ADAMTS2: variants seen among roughly 807,000 people sequenced by gnomAD.
The protein encoded by ADAMTS2 is ADAM metallopeptidase with thrombospondin type 1 motif 2, also known as A disintegrin and metalloproteinase with thrombospondin motifs 2.
Under a neutral mutation model 123.0 loss-of-function variants are expected in ADAMTS2, and 50 were observed. The ratio of observed to expected loss-of-function variants is 0.41; its 90% CI spans 0.32 to 0.51. The LOEUF is 0.51. Among genes scored for constraint, ADAMTS2 ranks in the 20% least tolerant of loss-of-function variants. ADAMTS2 has a pLI of 0.35. For synonymous variants in ADAMTS2, 678 were observed against 695.4 expected (o/e 0.98, Z 0.39); for missense variants, 1,494 against 1,705.2 (o/e 0.88, Z 2.18).
At chr5:179,331,747 C>A (rs1385022812) in intron 2 of ADAMTS2, among the ~76,000 whole-genome samples, 1 of 152,132 alleles carries the variant, frequency 6.6e-6, no homozygotes, top group Non-Finnish European at 1.5e-5. Flanking sequence ...TGGTCTGGGA[C>A]CTCCCCTTGT....
chr5:179,139,887 C>T lies in ADAMTS2; in HGVS notation c.1775+3G>A, dbSNP rs1763131516. On this transcript the variant is annotated splice_donor_region_variant and intron_variant, in intron 11 of 21. Transcript: ENST00000251582. ...AGGCCAGGGGGACATGGGGCCAACT[C>T]ACTGTGGGTTGTCACACTGGCGGGT... is the stretch of plus-strand genomic sequence containing the variant. 1 of 1,612,106 alleles carries T rather than the reference C, an allele frequency of 6.2e-7. No homozygotes were observed. Among genetic ancestry groups the T allele is most frequent in the African/African-American group, 1.3e-5 (1 of 74,876 alleles).
rs961849360 is a variant in ADAMTS2 at position 179,343,666 on chromosome 5, T to C, written c.534+101A>G. 6.7e-6 allele frequency: 10 copies of C among 1,482,480 alleles called. No homozygotes were observed. The Middle Eastern group carries it at 6.1e-4, about 91-fold the overall frequency. The allele number at this position is 1,482,480 out of a possible 1,614,324, so 91.8% of individuals were successfully genotyped here. A position where few individuals can be genotyped will look rare whatever the true frequency, so the allele number is the denominator to read the frequency against. On this transcript the variant is annotated intron_variant, in intron 2 of 21. Coordinates refer to ENST00000251582, the MANE Select transcript of ADAMTS2 (RefSeq NM_014244.5). ...AGCACGGGAAGGGCGCGGAAAGTCC[T>C]CAGCGCAGGCCTTGCCCTCCCAAGG... is the stretch of plus-strand genomic sequence containing the variant.
intron 3 of ADAMTS2, among the ~76,000 whole-genome samples, chr5:179,231,177 A>G (rs1475070893): frequency 6.6e-6 from 1 of 152,202 alleles, no homozygotes; most frequent in African/African-American, 2.4e-5. Context: ...GTCCACTCAC[A>G]TGAGGATCTG....
rs888177186 is a variant in ADAMTS2, at chr5:179,128,892, A to T, written c.2458-774T>A. ...CAACAGGCTCAGGGTGATTTTCAAC[A>T]GCGAAATCGCCCCCAAAATAGCACA... is the stretch of plus-strand genomic sequence containing the variant. On this transcript the variant is annotated intron_variant, in intron 16 of 21. Coordinates refer to ENST00000251582, the MANE Select transcript of ADAMTS2 (RefSeq NM_014244.5). The surrounding 1 kb of genome is among the most constrained non-coding windows in gnomAD (Gnocchi z 4.9). 1.3e-5 allele frequency among the ~76,000 whole-genome samples: 2 copies of T among 152,120 alleles called. No individual in the cohort carries two copies. The highest frequency in any genetic ancestry group is 4.8e-5 in the African/African-American group (2 of 41,424).
At chr5:179,291,632 T>C (rs898340160) in intron 2 of ADAMTS2, among the ~76,000 whole-genome samples, 1 of 152,120 alleles carries the variant, frequency 6.6e-6, no homozygotes, top group Admixed American at 6.5e-5. Flanking sequence ...TTAAACGAGG[T>C]TGAATTCTGG....
At position 179,132,992 on chromosome 5, in the gene ADAMTS2, C is replaced by T; in HGVS notation, c.2086-92G>A. The T allele has an allele frequency of 6.6e-7, 1 of 1,520,854 alleles. No homozygotes were observed. Among genetic ancestry groups the T allele is most frequent in the Non-Finnish European group, 8.9e-7 (1 of 1,124,364 alleles). The allele number at this position is 1,520,854 out of a possible 1,614,324, so 94.2% of individuals were successfully genotyped here. A position where few individuals can be genotyped will look rare whatever the true frequency, so the allele number is the denominator to read the frequency against. On this transcript the variant is annotated intron_variant, in intron 13 of 21. Transcript: ENST00000251582. This position sits in a 1 kb window ranked among gnomAD's most constrained non-coding sequence, Gnocchi z 6.1. ...GCCCCCAGTCTCGAACACCTGGCCT[C>T]AAGCGATCCTCCTGCCTTGGCCTCC...
At chr5:179,292,554 T>G (rs538782844) in intron 2 of ADAMTS2, among the ~76,000 whole-genome samples, 1 of 152,192 alleles carries the variant, frequency 6.6e-6, no homozygotes, top group East Asian at 1.9e-4. Flanking sequence ...AATCTTGTTA[T>G]AAATTTTTTA....
In ADAMTS2 at chr5:179,332,589, C is replaced by T. The variant is rs1351005431; in HGVS notation, c.534+11178G>A. Among the ~76,000 whole-genome samples the T allele has an allele frequency of 6.6e-6, 1 of 152,152 alleles. No homozygotes were observed. Among genetic ancestry groups the T allele is most frequent in the Non-Finnish European group, 1.5e-5 (1 of 68,030 alleles). ...CACTATCACAGGGTCTCAGACAGTACCTCAGTCTGTGACCCAACCTGCATT... is the reference window on the plus strand; with the variant it reads ...CACTATCACAGGGTCTCAGACAGTATCTCAGTCTGTGACCCAACCTGCATT... On this transcript the variant is annotated intron_variant, in intron 2 of 21. Transcript: ENST00000251582. The surrounding 1 kb of genome is among the most constrained non-coding windows in gnomAD (Gnocchi z 4.2).
intron 3 of ADAMTS2, among the ~76,000 whole-genome samples, chr5:179,253,238 C>T (rs1196531595): frequency 1.3e-5 from 2 of 152,188 alleles, no homozygotes; most frequent in Non-Finnish European, 2.9e-5. Flanking sequence ...AATCCATTTA[C>T]ATTTACCTGG....
chr5:179,263,701 C>T (rs1213357921), intron 3 of ADAMTS2, among the ~76,000 whole-genome samples: 1 of 152,252 alleles, frequency 6.6e-6, no homozygotes, highest in African/African-American at 2.4e-5. Context: ...CCGAAGAATC[C>T]AGCCCTTGTC....
Position 179,269,115 on chromosome 5 carries a change from C to T in ADAMTS2, c.688+3796G>A, listed in dbSNP as rs139625416. ...CAGAAGAGGAGGGGGCGACATGACCCGGGGGCAGAGATTGGCATGATGCAG... is the reference window on the plus strand; with the variant it reads ...CAGAAGAGGAGGGGGCGACATGACCTGGGGGCAGAGATTGGCATGATGCAG... On this transcript the variant is annotated intron_variant, in intron 3 of 21. Coordinates refer to ENST00000251582, the MANE Select transcript of ADAMTS2 (RefSeq NM_014244.5). Among the ~76,000 whole-genome samples the T allele has an allele frequency of 9.3e-4, 142 of 152,222 alleles. 1 individual carries two copies. Among genetic ancestry groups the T allele is most frequent in the Admixed American group, 2.4e-3 (36 of 15,294 alleles).
chr5:179,245,996 A>C (rs1765795461), intron 3 of ADAMTS2, among the ~76,000 whole-genome samples: 1 of 152,316 alleles, frequency 6.6e-6, no homozygotes, highest in African/African-American at 2.4e-5. Context: ...AGTAAATCTC[A>C]GAATCGACTT....
intron 3 of ADAMTS2, among the ~76,000 whole-genome samples, chr5:179,269,283 G>T (rs550184262): frequency 1.3e-5 from 2 of 152,200 alleles, no homozygotes; most frequent in African/African-American, 4.8e-5. Context: ...CTGGCCCACA[G>T]AGCTGTGAGA....
In ADAMTS2 at chr5:179,153,705, G is replaced by A. The variant is rs1487136159; in HGVS notation, c.1383-82C>T. The A allele has an allele frequency of 2.6e-6, 4 of 1,517,632 alleles. No homozygotes were observed. The South Asian group carries it at 4.9e-5, about 18-fold the overall frequency. The allele number at this position is 1,517,632 out of a possible 1,614,324, so 94.0% of individuals were successfully genotyped here. ...CCTGGAGGCAGCTGAGGCCCCTGCT[G>A]GAGCTGCCATGGCAGCCCTACCTGC... On this transcript the variant is annotated intron_variant, in intron 8 of 21. Coordinates refer to ENST00000251582, the MANE Select transcript of ADAMTS2 (RefSeq NM_014244.5).
At chr5:179,238,043 C>A (rs899656378) in intron 3 of ADAMTS2, among the ~76,000 whole-genome samples, 7 of 152,196 alleles carry the variant, frequency 4.6e-5, no homozygotes, top group Non-Finnish European at 2.9e-5. Flanking sequence ...TAAACACACA[C>A]CGAAGCCATG....
chr5:179,301,318 C>T (rs1218038880), intron 2 of ADAMTS2, among the ~76,000 whole-genome samples: 1 of 152,206 alleles, frequency 6.6e-6, no homozygotes, highest in Admixed American at 6.5e-5. Context: ...CCTCTTTCGA[C>T]CTCTGCTTTT....
At chr5:179,235,403 C>T (rs754872628) in intron 3 of ADAMTS2, among the ~76,000 whole-genome samples, 8 of 152,218 alleles carry the variant, frequency 5.3e-5, no homozygotes, top group South Asian at 2.1e-4. Flanking sequence ...ACAGAACTGA[C>T]GCCTTCACAC....
intron 2 of ADAMTS2, among the ~76,000 whole-genome samples, chr5:179,299,924 C>A (rs547509514): frequency 6.6e-6 from 1 of 151,976 alleles, no homozygotes; most frequent in East Asian, 1.9e-4. Flanking sequence ...GAAACCCCGT[C>A]TCTACTAAAA....
intron 2 of ADAMTS2, among the ~76,000 whole-genome samples, chr5:179,302,970 G>A (rs1192413758): frequency 1.4e-5 from 2 of 142,032 alleles, no homozygotes; most frequent in Admixed American, 6.9e-5. Context: ...GGGCCTGGGT[G>A]GGGTACAGGA....
Sources: gnomAD v4.1 joint callset for allele counts (sites outside exome capture counted in the v4.1 genomes callset) on GRCh38, gnomAD v4.1.1 for gene constraint, Gnocchi (gnomAD v3.1) non-coding constraint, MANE v1.5 for transcripts, NCBI Gene and HGNC (gene_info 2026-07-23, HGNC 2026-07-21) for gene names.